The following DOCK2 variants were observed in gnomAD, a reference collection of about 807,000 sequenced individuals.
DOCK2 encodes the protein dedicator of cytokinesis 2, also known as dedicator of cytokinesis protein 2.
Under a neutral mutation model 248.9 loss-of-function variants are expected in DOCK2, and 87 were observed. That is an observed-to-expected ratio of 0.35 (90% confidence interval 0.29 to 0.42). The LOEUF (loss-of-function observed/expected upper bound fraction) is 0.42. Among genes scored for constraint, DOCK2 ranks in the 10% least tolerant of loss-of-function variants. DOCK2 has a pLI of 1.00. For missense variants in DOCK2, 1,747 were observed against 2,300.2 expected, an observed-to-expected ratio of 0.76 and a Z score of 4.92; for synonymous variants, 805 against 821.6, an observed-to-expected ratio of 0.98 and a Z score of 0.35.
intron 38 of DOCK2, among the ~76,000 whole-genome samples, chr5:170,044,201 T>C (rs1756615997): frequency 6.6e-6 from 1 of 152,244 alleles, no homozygotes; most frequent in African/African-American, 2.4e-5. Flanking sequence ...GATAGACTCC[T>C]CTAAATTCCT....
chr5:169,900,108 A>G (rs1178596567), intron 27 of DOCK2, among the ~76,000 whole-genome samples: 3 of 152,130 alleles, frequency 2.0e-5, no homozygotes. Context: ...CTATGTGCCA[A>G]ACATTGTGCT....
At chr5:169,852,801 T>C (rs1770683133) in intron 27 of DOCK2, among the ~76,000 whole-genome samples, 1 of 152,240 alleles carries the variant, frequency 6.6e-6, no homozygotes. Context: ...TGAAGTAATG[T>C]TCAGCTGTTG....
chr5:169,823,417 C>G (rs1296608563), intron 26 of DOCK2, among the ~76,000 whole-genome samples: 1 of 152,146 alleles, frequency 6.6e-6, no homozygotes, highest in Non-Finnish European at 1.5e-5. Context: ...AAAAGCTTAT[C>G]CACCGTGATC....
intron 9 of DOCK2, among the ~76,000 whole-genome samples, chr5:169,693,593 G>T (rs1269661653): frequency 6.6e-6 from 1 of 152,110 alleles, no homozygotes; most frequent in Non-Finnish European, 1.5e-5. Context: ...CAACCATCTG[G>T]ACGTGAAATA....
chr5:169,713,143 CCT>C (rs1264543136), intron 17 of DOCK2, among the ~76,000 whole-genome samples: 2 of 152,230 alleles, frequency 1.3e-5, no homozygotes, highest in Non-Finnish European at 2.9e-5. Flanking sequence ...TTCTGTACAG[CCT>C]CTGTTTTCTC....
At chr5:170,051,287 T>G (rs1192450004) in intron 41 of DOCK2, among the ~76,000 whole-genome samples, 1 of 152,240 alleles carries the variant, frequency 6.6e-6, no homozygotes, top group Non-Finnish European at 1.5e-5. Context: ...ATCCATGATC[T>G]GACCCCTGCC....
chr5:170,029,830 C>T (rs886348952), intron 34 of DOCK2, among the ~76,000 whole-genome samples: 1 of 152,182 alleles, frequency 6.6e-6, no homozygotes, highest in Non-Finnish European at 1.5e-5. Flanking sequence ...TGCTCTGACC[C>T]CCTACAATGA....
intron 34 of DOCK2, among the ~76,000 whole-genome samples, chr5:170,029,333 C>A (rs1175752068): frequency 1.3e-5 from 2 of 152,190 alleles, no homozygotes; most frequent in Non-Finnish European, 2.9e-5. Flanking sequence ...GTGTAGAATT[C>A]ATTGATTTTC....
intron 27 of DOCK2, among the ~76,000 whole-genome samples, chr5:169,935,317 C>T (rs552000911): frequency 5.9e-5 from 9 of 152,288 alleles, no homozygotes; most frequent in Admixed American, 1.3e-4. Flanking sequence ...GTCTCATCTC[C>T]CATGCCTGTG....
intron 32 of DOCK2, among the ~76,000 whole-genome samples, chr5:170,015,704 G>A (rs1051285701): frequency 6.6e-6 from 1 of 151,990 alleles, no homozygotes; most frequent in African/African-American, 2.4e-5. Context: ...CCAGCCTTTG[G>A]AGAGACCTTT....
rs73798752 is a variant in DOCK2, at chr5:169,688,528, A to G, written c.762-724A>G. Among the ~76,000 whole-genome samples the G allele has an allele frequency of 9.7e-3, 1,484 of 152,312 alleles. 31 individuals carry two copies. The highest frequency in any genetic ancestry group is 0.034 in the African/African-American group (1,429 of 41,548). On this transcript the variant is annotated intron_variant, in intron 8 of 51. Transcript: ENST00000520908. ...GGATTTTGGAATATTTGCATTATATATATCTACCAGTTGAGCATCTCTAAT... is the reference window on the plus strand; with the variant it reads ...GGATTTTGGAATATTTGCATTATATGTATCTACCAGTTGAGCATCTCTAAT...
intron 22 of DOCK2, among the ~76,000 whole-genome samples, chr5:169,727,280 G>A (rs1021098989): frequency 1.3e-5 from 2 of 152,106 alleles, no homozygotes. Context: ...GCAAAGCATA[G>A]GTATTATGAT....
chr5:170,082,607 T>A (rs1758072922), intron 51 of DOCK2, among the ~76,000 whole-genome samples, 189 bp from the exon 52 acceptor site: 1 of 152,212 alleles, frequency 6.6e-6, no homozygotes, highest in African/African-American at 2.4e-5. Flanking sequence ...ACATGGCTAG[T>A]GAGCCTGGGC....
chr5:169,868,077 G>A (rs927212112), intron 27 of DOCK2, among the ~76,000 whole-genome samples: 10 of 152,164 alleles, frequency 6.6e-5, no homozygotes, highest in African/African-American at 1.2e-4. Flanking sequence ...AAAGAGAGTG[G>A]GTACCCCCTC....
intron 26 of DOCK2, among the ~76,000 whole-genome samples, chr5:169,808,552 T>C (rs1767544584): frequency 6.6e-6 from 1 of 151,410 alleles, no homozygotes; most frequent in South Asian, 2.1e-4. Flanking sequence ...AGGTGAAGGA[T>C]AAAAGGCCTG....
intron 38 of DOCK2, among the ~76,000 whole-genome samples, chr5:170,043,417 C>G (rs540337733): frequency 2.6e-4 from 40 of 152,318 alleles, no homozygotes; most frequent in African/African-American, 8.7e-4. Context: ...CGCTTCCTCT[C>G]CCAAGCCTTT....
Position 170,050,411 on chromosome 5 carries a change from A to G in DOCK2, c.4213+14A>G, listed in dbSNP as rs1756873589. 1.2e-6 allele frequency: 2 copies of G among 1,612,728 alleles called. No individual in the cohort carries two copies. The highest frequency in any genetic ancestry group is 3.3e-5 in the Admixed American group (2 of 59,916). On this transcript the variant is annotated intron_variant, in intron 41 of 51. Coordinates refer to ENST00000520908, the MANE Select transcript of DOCK2 (RefSeq NM_004946.3). ...CCCCAGGCCAGTGTATCCTTGGAGA[A>G]TGCCCTAGCCAAGGGGCCAGACCTG...
rs1458571349 is a variant in DOCK2, at chr5:170,042,027, G to A, written c.3771G>A (p.Gln1257=). 1 of 1,613,622 alleles carries A rather than the reference G, an allele frequency of 6.2e-7. No individual in the cohort carries two copies. Among genetic ancestry groups the A allele is most frequent in the Non-Finnish European group, 8.5e-7 (1 of 1,179,734 alleles). ...TCTCTTCACAGTGGTCGGATGAGCA[G>A]TGTGCATCACAGGTCATGCAGACAG... ...HTWLLKWSDE[Q]CASQVMQTGQ... The change falls in exon 38 of 52, where the codon CAG becomes CAA. Residue 1257 remains glutamine (Q), a synonymous_variant. Coordinates refer to ENST00000520908, the MANE Select transcript of DOCK2 (RefSeq NM_004946.3).
chr5:169,851,340 G>C (rs1770608816), intron 27 of DOCK2, among the ~76,000 whole-genome samples: 1 of 152,160 alleles, frequency 6.6e-6, no homozygotes, highest in Non-Finnish European at 1.5e-5. Flanking sequence ...AAATATGACA[G>C]CTGGAGCATA....
Sources: gnomAD v4.1 joint callset for allele counts (sites outside exome capture counted in the v4.1 genomes callset) on GRCh38, gnomAD v4.1.1 for gene constraint, MANE v1.5 for transcripts, NCBI Gene and HGNC (gene_info 2026-07-23, HGNC 2026-07-21) for gene names.